FARP1: variants seen among roughly 807,000 people sequenced by gnomAD.
FARP1 encodes FERM, ARH/RhoGEF and pleckstrin domain protein 1.
Under a neutral mutation model 128.8 loss-of-function variants are expected in FARP1, and 52 were observed. That is an observed-to-expected ratio of 0.40 (90% CI 0.32 to 0.51). FARP1 has a LOEUF of 0.51. Among genes scored for constraint, FARP1 ranks in the 20% least tolerant of loss-of-function variants. The pLI is 0.45. For missense variants in FARP1, 1,333 were observed against 1,367.9 expected, an observed-to-expected ratio of 0.97 and a Z score of 0.40; for synonymous variants, 580 against 551.8, an observed-to-expected ratio of 1.05 and a Z score of -0.72.
intron 2 of FARP1, among the ~76,000 whole-genome samples, chr13:98,239,716 G>A (rs1882652261): frequency 6.6e-6 from 1 of 152,082 alleles, no homozygotes; most frequent in African/African-American, 2.4e-5. Flanking sequence ...GTGGCGGGTG[G>A]CATTGGTTAT....
intron 2 of FARP1, among the ~76,000 whole-genome samples, chr13:98,313,604 A>G (rs2139756750): frequency 6.6e-6 from 1 of 152,330 alleles, no homozygotes; most frequent in East Asian, 1.9e-4. Context: ...TAAGAAACTG[A>G]TACTCAAGCC....
chr13:98,174,694 A>G (rs1337418340), intron 1 of FARP1, among the ~76,000 whole-genome samples: 5 of 152,188 alleles, frequency 3.3e-5, no homozygotes, highest in Non-Finnish European at 7.3e-5. Context: ...TGCCTTGTCG[A>G]CTATCAAGCT....
At chr13:98,229,640 A>C (rs1361784463) in intron 2 of FARP1, among the ~76,000 whole-genome samples, 2 of 147,786 alleles carry the variant, frequency 1.4e-5, no homozygotes, top group Admixed American at 6.8e-5. Context: ...AGCTGGGACC[A>C]CTCTCCACCA....
intron 1 of FARP1, among the ~76,000 whole-genome samples, chr13:98,151,881 C>G (rs539267816): frequency 6.6e-6 from 1 of 151,966 alleles, no homozygotes; most frequent in East Asian, 1.9e-4. Context: ...AGGTTAGTCT[C>G]AAACTCCTGA....
chr13:98,352,414 T>C (rs1888474497), intron 3 of FARP1, among the ~76,000 whole-genome samples: 1 of 152,002 alleles, frequency 6.6e-6, no homozygotes, highest in Non-Finnish European at 1.5e-5. Context: ...GGGCCATCAC[T>C]CAAGAGAGAC....
rs1566933266 is a variant in FARP1, at chr13:98,377,871, CGT to C, written c.452_453del (p.Cys151Ter). ...CAGGACTTGGCTCAAGGCAGGTTGA[CGT>C]GTAATGACACCAGCGCAGCTCTCTT... On this transcript the variant is annotated frameshift_variant, in exon 6 of 27. Transcript: ENST00000319562. LOFTEE classifies it high-confidence loss of function. The C allele has an allele frequency of 6.2e-7, 1 of 1,613,946 alleles. No homozygotes were observed. Among genetic ancestry groups the C allele is most frequent in the Admixed American group, 1.7e-5 (1 of 60,020 alleles).
chr13:98,449,242 G>A lies in FARP1; in HGVS notation c.*925G>A, dbSNP rs1893063187. ...TCATGGTACGTAGTCCCCGGCACCT[G>A]TCGTTATTCCTATATCCTCCTGCAA... On this transcript the variant is annotated 3_prime_UTR_variant, in exon 27 of 27. Transcript: ENST00000319562. The A allele has an allele frequency of 6.6e-6, 1 of 152,224 alleles. No individual in the cohort carries two copies. Among genetic ancestry groups the A allele is most frequent in the Admixed American group, 6.5e-5 (1 of 15,286 alleles). The allele number at this position is 152,224 out of a possible 1,614,324, so 9.4% of individuals were successfully genotyped here. A position where few individuals can be genotyped will look rare whatever the true frequency, so the allele number is the denominator to read the frequency against.
chr13:98,224,700 G>A (rs1001748131), intron 2 of FARP1, among the ~76,000 whole-genome samples: 1 of 152,090 alleles, frequency 6.6e-6, no homozygotes, highest in Non-Finnish European at 1.5e-5. Flanking sequence ...CAGAGTAAGA[G>A]AGCTGAGGTG....
intron 13 of FARP1, chr13:98,405,342 T>C (rs1440588963): frequency 2.0e-5 from 3 of 152,192 alleles, no homozygotes; most frequent in Admixed American, 2.0e-4. Flanking sequence ...TCCATAAATA[T>C]AGCAGTGCTA....
chr13:98,447,076 A>C, intron 26 of FARP1: 2 of 460,344 alleles, frequency 4.3e-6, no homozygotes, highest in Non-Finnish European at 4.0e-6. Context: ...TCTCTGACAT[A>C]ACGTGTCCGG....
Position 98,412,513 on chromosome 13 carries a change from A to G in FARP1, c.1826+479A>G, listed in dbSNP as rs138346017. On this transcript the variant is annotated intron_variant, in intron 16 of 26. Transcript: ENST00000319562. ...TGTGCATGCGCACACACACACTTTT[A>G]CCTTATCTTGAATTATCATAAGGAT... Among the ~76,000 whole-genome samples the G allele has an allele frequency of 1.7e-3, 257 of 152,384 alleles. 1 individual carries two copies. Among genetic ancestry groups the G allele is most frequent in the African/African-American group, 5.9e-3 (247 of 41,598 alleles).
rs113754875 is a variant in FARP1 at position 98,390,129 on chromosome 13, G to A, written c.1019+9G>A. The stretch of plus-strand genomic sequence containing the variant: ...TCATCATTTCGGTTCAGGTGAGGTC[G>A]CCACTTTGTGCCTCTGTTTGCTGGG... On this transcript the variant is annotated intron_variant, in intron 10 of 26. Coordinates refer to ENST00000319562, the MANE Select transcript of FARP1 (RefSeq NM_005766.4). The A allele has an allele frequency of 4.7e-5, 76 of 1,610,046 alleles. No individual in the cohort carries two copies. The highest frequency in any genetic ancestry group is 8.4e-5 in the Admixed American group (5 of 59,342).
chr13:98,404,043 A>ATCACCACCACCACTGCTACTACCAC (rs1555292308), intron 13 of FARP1: 5 of 154,356 alleles, frequency 3.2e-5, no homozygotes, highest in Non-Finnish European at 5.8e-5. Context: ...GCTACTACCA[A>ATCACCACCACCACTGCTACTACCAC]CATCACCACC....
chr13:98,294,320 A>G (rs1175492038), intron 2 of FARP1, among the ~76,000 whole-genome samples: 1 of 152,152 alleles, frequency 6.6e-6, no homozygotes, highest in East Asian at 1.9e-4. Context: ...GAAGGGTTCA[A>G]CCATTGATAA....
intron 2 of FARP1, among the ~76,000 whole-genome samples, chr13:98,289,070 A>G (rs1000777089): frequency 6.6e-6 from 1 of 151,822 alleles, no homozygotes; most frequent in Non-Finnish European, 1.5e-5. Context: ...CAAATATTCA[A>G]TGTCAGCTGT....
At chr13:98,325,409 GAAGGCTCCCACCT>G (rs1224449021) in intron 2 of FARP1, among the ~76,000 whole-genome samples, 1 of 152,130 alleles carries the variant, frequency 6.6e-6, no homozygotes, top group Non-Finnish European at 1.5e-5. Context: ...TGCTGAAAGT[GAAGGCTCCCACCT>G]GACGCCCCAG....
rs528012510 is a variant in FARP1, at chr13:98,190,852, T to C, written c.-23-22368T>C. ...ATGAGCCAACATGCCCAGCCTCATA[T>C]GATATTTCAAGTAGATCTATGAGTG... On this transcript the variant is annotated intron_variant, in intron 1 of 26. Coordinates refer to ENST00000319562, the MANE Select transcript of FARP1 (RefSeq NM_005766.4). Among the ~76,000 whole-genome samples the C allele has an allele frequency of 5.9e-4, 89 of 152,106 alleles. 1 individual carries two copies. Among genetic ancestry groups the C allele is most frequent in the African/African-American group, 1.9e-3 (79 of 41,466 alleles).
At chr13:98,316,517 C>G (rs1427048909) in intron 2 of FARP1, among the ~76,000 whole-genome samples, 4 of 152,166 alleles carry the variant, frequency 2.6e-5, no homozygotes, top group Non-Finnish European at 5.9e-5. Flanking sequence ...GGACCCGGAG[C>G]CCCCTCCCCA....
chr13:98,310,080 GT>G lies in FARP1; in HGVS notation c.172-33670del, dbSNP rs35233382. On this transcript the variant is annotated intron_variant, in intron 2 of 26. Coordinates refer to ENST00000319562, the MANE Select transcript of FARP1 (RefSeq NM_005766.4). ...TTTTGTTCCACTTAATAGATTACAT[GT>G]TTTTTTTTTTTCCCATAATAGGCTT... Among the ~76,000 whole-genome samples, 675 of 146,422 alleles carry G rather than the reference GT, an allele frequency of 4.6e-3. 7 individuals are homozygous for G. The highest frequency in any genetic ancestry group is 0.015 in the African/African-American group (605 of 39,564).
Sources: gnomAD v4.1 joint callset for allele counts (sites outside exome capture counted in the v4.1 genomes callset) on GRCh38, gnomAD v4.1.1 for gene constraint, MANE v1.5 for transcripts, NCBI Gene and HGNC (gene_info 2026-07-23, HGNC 2026-07-21) for gene names.